EFCAB14: variants seen among roughly 807,000 people sequenced by gnomAD.
EFCAB14 encodes the protein EF-hand calcium binding domain 14, also known as EF-hand calcium-binding domain-containing protein 14.
EFCAB14 carries 43 observed loss-of-function variants against 56.5 expected under a neutral mutation model. That is an observed-to-expected ratio of 0.76 (90% confidence interval 0.60 to 0.98). EFCAB14 has a LOEUF of 0.98. EFCAB14 is among the 50% of genes least tolerant of loss of function. The pLI is 0.00. For synonymous variants in EFCAB14, 235 were observed against 212.9 expected, an observed-to-expected ratio of 1.10 and a Z score of -0.90; for missense variants, 538 against 580.3, an observed-to-expected ratio of 0.93 and a Z score of 0.75.
chr1:46,689,445 C>A, intron 6 of EFCAB14, 142 bp downstream of exon 6: 1 of 705,726 alleles, frequency 1.4e-6, no homozygotes, highest in South Asian at 2.0e-5. Flanking sequence ...GATACCAACA[C>A]ACATTCCTCT....
chr1:46,718,090 T>G lies in EFCAB14; in HGVS notation c.-3A>C, dbSNP rs1677426247. The G allele has an allele frequency of 8.1e-6, 13 of 1,613,442 alleles. No individual in the cohort carries two copies. Among genetic ancestry groups the G allele is most frequent in the Non-Finnish European group, 1.1e-5 (13 of 1,179,540 alleles). On this transcript the variant is annotated 5_prime_UTR_variant, in exon 1 of 11. Coordinates refer to ENST00000371933, the MANE Select transcript of EFCAB14 (RefSeq NM_014774.3). ...TTGAGCTCTTTGCGCTTTTTCATCT[T>G]TTTGTGTGGGGTGAGTGGAGCCCCG...
In EFCAB14 at chr1:46,677,075, T is replaced by C. The variant is rs1676707240; in HGVS notation, c.*1386A>G. On this transcript the variant is annotated 3_prime_UTR_variant, in exon 11 of 11. Transcript: ENST00000371933. The stretch of plus-strand genomic sequence containing the variant: ...CCCTTTCAAGTTGTTGCCCAAAGAC[T>C]GCTTCTAAGAACAACACAGCAATTC... The C allele has an allele frequency of 6.6e-6, 1 of 152,666 alleles. No homozygotes were observed. Among genetic ancestry groups the C allele is most frequent in the South Asian group, 2.1e-4 (1 of 4,836 alleles). 9.5% of individuals were successfully genotyped at this position (152,666 alleles called of 1,614,324 possible).
In EFCAB14 at chr1:46,678,429, G is replaced by A; in HGVS notation, c.*32C>T. ...TTTGTTGTTAGGTAAATAGATATTAGGCAGTCCATTTCTAAAATATGCCTG... is the reference window on the plus strand; with the variant it reads ...TTTGTTGTTAGGTAAATAGATATTAAGCAGTCCATTTCTAAAATATGCCTG... On this transcript the variant is annotated 3_prime_UTR_variant, in exon 11 of 11. Coordinates refer to ENST00000371933, the MANE Select transcript of EFCAB14 (RefSeq NM_014774.3). 1.2e-6 allele frequency: 2 copies of A among 1,611,590 alleles called. No homozygotes were observed. The highest frequency in any genetic ancestry group is 1.7e-6 in the Non-Finnish European group (2 of 1,178,844).
intron 3 of EFCAB14, among the ~76,000 whole-genome samples, chr1:46,700,886 T>C (rs968891070): frequency 1.3e-5 from 2 of 151,878 alleles, no homozygotes; most frequent in Admixed American, 6.6e-5. Context: ...TACTAAAAAC[T>C]ATTATGATTT....
chr1:46,710,278 G>A (rs902207934), intron 2 of EFCAB14, among the ~76,000 whole-genome samples: 1 of 152,132 alleles, frequency 6.6e-6, no homozygotes, highest in African/African-American at 2.4e-5. Context: ...TACATGTAAT[G>A]TATAGTGATC....
intron 7 of EFCAB14, among the ~76,000 whole-genome samples, chr1:46,688,013 A>T (rs1378821778): frequency 6.6e-6 from 1 of 152,192 alleles, no homozygotes; most frequent in African/African-American, 2.4e-5. Flanking sequence ...GAAAAGACCC[A>T]AAAGGCCCTC....
rs1473745299 is a variant in EFCAB14 at position 46,684,577 on chromosome 1, A to C, written c.1100T>G (p.Val367Gly). The change falls in exon 9 of 11, where the codon GTA (valine) becomes GGA (glycine). Residue 367 changes from valine to glycine, a missense_variant. Physicochemically the swap from Val to Gly is moderately radical, Grantham distance 109. Coordinates refer to ENST00000371933, the MANE Select transcript of EFCAB14 (RefSeq NM_014774.3). ...CTGGAGTTTCTCTCTTAGCTTGGAT[A>C]CCTGAGAATTTGAACTATCTTCTTT... ...IKKEDSSNSQVSKLREKLQLI... is the reference protein window; with the variant it reads ...IKKEDSSNSQGSKLREKLQLI... 6.2e-7 allele frequency: 1 copy of C among 1,613,980 alleles called. No homozygotes were observed. The highest frequency in any genetic ancestry group is 8.5e-7 in the Non-Finnish European group (1 of 1,179,992).
intron 3 of EFCAB14, among the ~76,000 whole-genome samples, chr1:46,702,765 A>G (rs1312707980): frequency 6.6e-6 from 1 of 152,212 alleles, no homozygotes; most frequent in Non-Finnish European, 1.5e-5. Flanking sequence ...GTGCAATTAG[A>G]AGTATATGCA....
chr1:46,683,413 C>A lies in EFCAB14; in HGVS notation c.1199G>T (p.Ser400Ile), dbSNP rs972694203. 1.4e-5 allele frequency: 22 copies of A among 1,613,790 alleles called. No individual in the cohort carries two copies. The highest frequency in any genetic ancestry group is 1.9e-5 in the Non-Finnish European group (22 of 1,179,870). ...PETADEEQVE[S>I]FTSKPSALPK... Reference sequence around the variant, plus strand: ...CAATGCTGATGGCTTTGATGTGAAACTCTCTACTTGCTCTGTAACAAATAC... The same window carrying A: ...CAATGCTGATGGCTTTGATGTGAAAATCTCTACTTGCTCTGTAACAAATAC... Residue 400 changes from serine to isoleucine, a missense_variant, in exon 10 of 11, where the codon AGT (serine) becomes ATT (isoleucine). Coordinates refer to ENST00000371933, the MANE Select transcript of EFCAB14 (RefSeq NM_014774.3).
chr1:46,683,245 T>C (rs1046699932), intron 10 of EFCAB14, 55 bp downstream of exon 10: 2 of 1,568,092 alleles, frequency 1.3e-6, no homozygotes, highest in African/African-American at 2.8e-5. Flanking sequence ...AAATAAACAT[T>C]AAAAAGTTAT....
At position 46,707,926 on chromosome 1, in the gene EFCAB14, T is replaced by A. The variant is rs533405972; in HGVS notation, c.460A>T (p.Ile154Phe). Reference protein sequence around the residue: ...EMGLNKVWINITEMNKQISLL... With the variant: ...EMGLNKVWINFTEMNKQISLL... Reference sequence around the variant, plus strand: ...AGTACCTGCTTATTCATTTCTGTGATGTTTATCCAGACTTTGTTCAAACCC... The same window carrying A: ...AGTACCTGCTTATTCATTTCTGTGAAGTTTATCCAGACTTTGTTCAAACCC... The change falls in exon 3 of 11, where the codon ATC becomes TTC. Residue 154 changes from isoleucine (I) to phenylalanine (F), a missense_variant. Ile to Phe is a conservative substitution (Grantham distance 21). Coordinates refer to ENST00000371933, the MANE Select transcript of EFCAB14 (RefSeq NM_014774.3). 30 of 1,610,590 alleles carry A rather than the reference T, an allele frequency of 1.9e-5. No individual in the cohort carries two copies. In the East Asian group the frequency reaches 6.0e-4, roughly 32 times the overall value.
intron 3 of EFCAB14, among the ~76,000 whole-genome samples, chr1:46,706,631 AC>A (rs1414926706): frequency 6.6e-6 from 1 of 152,118 alleles, no homozygotes; most frequent in Non-Finnish European, 1.5e-5. Flanking sequence ...GTCTACTTTC[AC>A]CTGATGTAAT....
At chr1:46,714,429 TAAAA>T (rs796203292) in intron 2 of EFCAB14, among the ~76,000 whole-genome samples, 1 of 107,838 alleles carries the variant, frequency 9.3e-6, no homozygotes. Flanking sequence ...TCAGTGTTGC[TAAAA>T]AAAAAAAAAA....
At chr1:46,694,994 T>C (rs1211014212) in intron 4 of EFCAB14, among the ~76,000 whole-genome samples, 1 of 147,606 alleles carries the variant, frequency 6.8e-6, no homozygotes. Context: ...AACCAAACAC[T>C]GCATGTTCTC....
At position 46,677,102 on chromosome 1, in the gene EFCAB14, A is replaced by G. The variant is rs959800530; in HGVS notation, c.*1359T>C. On this transcript the variant is annotated 3_prime_UTR_variant, in exon 11 of 11. Transcript: ENST00000371933. ...CTTCTAAGAACAACACAGCAATTCT[A>G]GACTCAACATACAGGAGACATGGAG... The G allele has an allele frequency of 6.6e-6, 1 of 152,654 alleles. No homozygotes were observed. The highest frequency in any genetic ancestry group is 2.4e-5 in the African/African-American group (1 of 41,454). 9.5% of individuals were successfully genotyped at this position (152,654 alleles called of 1,614,324 possible). A position where few individuals can be genotyped will look rare whatever the true frequency, so the allele number is the denominator to read the frequency against.
At chr1:46,706,875 G>A (rs1569727778) in intron 3 of EFCAB14, among the ~76,000 whole-genome samples, 3 of 152,174 alleles carry the variant, frequency 2.0e-5, no homozygotes, top group East Asian at 3.8e-4. Flanking sequence ...TTTCAGAAAC[G>A]TTTATGTCAG....
At chr1:46,715,324 A>G (rs894041542) in intron 2 of EFCAB14, among the ~76,000 whole-genome samples, 1 of 152,194 alleles carries the variant, frequency 6.6e-6, no homozygotes, top group Non-Finnish European at 1.5e-5. Flanking sequence ...TTGGGCAGCA[A>G]GGGGCAAGAG....
chr1:46,692,805 G>C (rs1204259682), intron 4 of EFCAB14, among the ~76,000 whole-genome samples: 1 of 152,100 alleles, frequency 6.6e-6, no homozygotes, highest in Non-Finnish European at 1.5e-5. Flanking sequence ...ATAATTAACA[G>C]GACTCTTTCT....
intron 5 of EFCAB14, among the ~76,000 whole-genome samples, chr1:46,689,905 C>T (rs937545283): frequency 6.6e-6 from 1 of 152,180 alleles, no homozygotes; most frequent in African/African-American, 2.4e-5. Context: ...ACCAAGATTA[C>T]ATTAGGGAAC....
Sources: gnomAD v4.1 joint callset for allele counts (sites outside exome capture counted in the v4.1 genomes callset) on GRCh38, gnomAD v4.1.1 for gene constraint, MANE v1.5 for transcripts, NCBI Gene and HGNC (gene_info 2026-07-23, HGNC 2026-07-21) for gene names.